Variants in EPHA7 observed in about 807,000 individuals in gnomAD.
EPHA7 encodes the protein ephrin type-A receptor 7.
In EPHA7, 25 loss-of-function variants were observed where a neutral mutation model predicts 112.6. That is an observed-to-expected ratio of 0.22 (90% confidence interval 0.16 to 0.31). EPHA7 has a LOEUF of 0.31. EPHA7 is among the 10% of genes least tolerant of loss of function. The pLI, the probability that EPHA7 is intolerant of heterozygous loss-of-function variation, is 1.00. For missense variants in EPHA7, 962 were observed against 1,212.6 expected (o/e 0.79, Z 3.07); for synonymous variants, 437 against 406.5 (o/e 1.07, Z -0.90).
intron 5 of EPHA7, among the ~76,000 whole-genome samples, chr6:93,351,484 T>C (rs2127937760): frequency 6.6e-6 from 1 of 152,208 alleles, no homozygotes; most frequent in Non-Finnish European, 1.5e-5. Context: ...TCCTAATTCC[T>C]TCCAGATGCT....
At chr6:93,254,885 G>T in intron 13 of EPHA7, 89 bp from the exon 14 acceptor site, 4 of 1,112,800 alleles carry the variant, frequency 3.6e-6, no homozygotes, top group Non-Finnish European at 3.7e-6. Context: ...GTGCATTTTT[G>T]GTTGGTAGTT....
intron 3 of EPHA7, among the ~76,000 whole-genome samples, chr6:93,384,636 G>A (rs192249446): frequency 3.4e-4 from 52 of 152,100 alleles, no homozygotes; most frequent in African/African-American, 1.2e-3. Context: ...GTGCCTAGAA[G>A]TGCCCTCACA....
intron 5 of EPHA7, among the ~76,000 whole-genome samples, chr6:93,330,890 C>T (rs751322874): frequency 8.6e-5 from 13 of 151,326 alleles, no homozygotes; most frequent in African/African-American, 3.1e-4. Context: ...GAAGGCATTT[C>T]AAAAGGTGTA....
At chr6:93,267,528 C>A (rs1459910668) in intron 7 of EPHA7, among the ~76,000 whole-genome samples, 1 of 151,640 alleles carries the variant, frequency 6.6e-6, no homozygotes, top group African/African-American at 2.4e-5. Flanking sequence ...GCCTTCTGTG[C>A]CTGAAACCAT....
chr6:93,254,021 C>T (rs377405184), intron 14 of EPHA7, among the ~76,000 whole-genome samples: 15 of 151,916 alleles, frequency 9.9e-5, no homozygotes, highest in East Asian at 3.9e-4. Context: ...CTTTTCTCAA[C>T]GGAAAACAGT....
chr6:93,338,753 T>A (rs1382722350), intron 5 of EPHA7, among the ~76,000 whole-genome samples: 1 of 151,646 alleles, frequency 6.6e-6, no homozygotes, highest in Non-Finnish European at 1.5e-5. Flanking sequence ...TTTTCCCCTT[T>A]AAAATAATTG....
chr6:93,352,703 G>T (rs1429904260), intron 5 of EPHA7, among the ~76,000 whole-genome samples: 1 of 151,986 alleles, frequency 6.6e-6, no homozygotes, highest in Non-Finnish European at 1.5e-5. Context: ...ATATTAAAAA[G>T]CAGCACTTAA....
intron 5 of EPHA7, among the ~76,000 whole-genome samples, chr6:93,288,611 GAAAC>G (rs1384256047): frequency 6.6e-6 from 1 of 152,096 alleles, no homozygotes; most frequent in Non-Finnish European, 1.5e-5. Flanking sequence ...TTTAGAATAA[GAAAC>G]AAAATCATTA....
chr6:93,412,044 A>G (rs1378817533), intron 2 of EPHA7, among the ~76,000 whole-genome samples: 1 of 152,126 alleles, frequency 6.6e-6, no homozygotes, highest in Non-Finnish European at 1.5e-5. Context: ...CAAACTATTA[A>G]ACCATATATA....
intron 5 of EPHA7, among the ~76,000 whole-genome samples, chr6:93,285,950 T>C (rs1056483934): frequency 2.6e-5 from 4 of 152,210 alleles, no homozygotes; most frequent in Non-Finnish European, 4.4e-5. Context: ...CTTTTTTACA[T>C]ATTCCCTCTG....
At chr6:93,291,790 C>G (rs938127854) in intron 5 of EPHA7, among the ~76,000 whole-genome samples, 40 of 87,256 alleles carry the variant, frequency 4.6e-4, no homozygotes, top group African/African-American at 1.5e-3. Flanking sequence ...AAAAAAAATA[C>G]TTTTCTGGAA....
Position 93,243,300 on chromosome 6 carries a change from A to T in EPHA7, c.*126T>A. On this transcript the variant is annotated 3_prime_UTR_variant, in exon 17 of 17. Coordinates refer to ENST00000369303, the MANE Select transcript of EPHA7 (RefSeq NM_004440.4). ...GTTCAAGTCTATAGGTGCTTCTTAA[A>T]TCTTCTCTTCACTGTTGGAAGGACC... 3.3e-6 allele frequency: 2 copies of T among 607,946 alleles called. No homozygotes were observed. Among genetic ancestry groups the T allele is most frequent in the Non-Finnish European group, 5.6e-6 (2 of 357,312 alleles). The allele number at this position is 607,946 out of a possible 1,614,324, so 37.7% of individuals were successfully genotyped here.
chr6:93,376,973 C>T (rs1447483305), intron 3 of EPHA7, among the ~76,000 whole-genome samples: 1 of 152,134 alleles, frequency 6.6e-6, no homozygotes, highest in Non-Finnish European at 1.5e-5. Flanking sequence ...CATATAACCA[C>T]CATGAGGAAA....
intron 5 of EPHA7, 78 bp from the exon 6 acceptor site, chr6:93,272,500 C>A: frequency 6.4e-7 from 1 of 1,553,354 alleles, no homozygotes; most frequent in Non-Finnish European, 8.8e-7. Context: ...ACTGATCAGT[C>A]CCATGCTGTG....
At chr6:93,367,453 A>T (rs1776571680) in intron 3 of EPHA7, among the ~76,000 whole-genome samples, 2 of 152,188 alleles carry the variant, frequency 1.3e-5, no homozygotes, top group African/African-American at 4.8e-5. Flanking sequence ...CCCCTTTTTA[A>T]GTAACATTAC....
intron 5 of EPHA7, 86 bp downstream of exon 5, chr6:93,356,631 C>A: frequency 2.4e-6 from 3 of 1,252,734 alleles, no homozygotes; most frequent in Non-Finnish European, 3.4e-6. Flanking sequence ...AAGCTCTGTG[C>A]AGAGAAACTA....
chr6:93,305,848 C>A (rs1773229472), intron 5 of EPHA7, among the ~76,000 whole-genome samples: 1 of 151,750 alleles, frequency 6.6e-6, no homozygotes, highest in African/African-American at 2.4e-5. Flanking sequence ...TGTCATATAA[C>A]CTGCATGGTC....
Position 93,416,403 on chromosome 6 carries a change from T to C in EPHA7, c.98-1636A>G, listed in dbSNP as rs529870403. On this transcript the variant is annotated intron_variant, in intron 1 of 16. Coordinates refer to ENST00000369303, the MANE Select transcript of EPHA7 (RefSeq NM_004440.4). Reference sequence around the variant, plus strand: ...GCAGGTGACCTTCTTGGGTCATTTCTGAGAGTGAAATAAACATTGCGAGAT... The same window carrying C: ...GCAGGTGACCTTCTTGGGTCATTTCCGAGAGTGAAATAAACATTGCGAGAT... 3.3e-5 allele frequency among the ~76,000 whole-genome samples: 5 copies of C among 152,292 alleles called. No homozygotes were observed. In the East Asian group the frequency reaches 9.7e-4, roughly 29 times the overall value.
intron 5 of EPHA7, among the ~76,000 whole-genome samples, chr6:93,341,686 G>A (rs1240414603): frequency 6.6e-6 from 1 of 151,708 alleles, no homozygotes; most frequent in Non-Finnish European, 1.5e-5. Context: ...AGTTTAGATG[G>A]TAGCTTTTGC....
Sources: gnomAD v4.1 joint callset for allele counts (sites outside exome capture counted in the v4.1 genomes callset) on GRCh38, gnomAD v4.1.1 for gene constraint, MANE v1.5 for transcripts, NCBI Gene and HGNC (gene_info 2026-07-23, HGNC 2026-07-21) for gene names.